The following MALAT1 variants were observed in gnomAD, a reference collection of about 807,000 sequenced individuals.
MALAT1 encodes hepcarcin.
In MALAT1 at chr11:65,500,601, A is replaced by C. The variant is rs773732397; in HGVS notation, n.1864A>C. ...AGGAGCGCTAACGATTTGGTGGTGAAGCTAGGAAAAAGGATTCCAGGAAGG... is the reference window on the plus strand; with the variant it reads ...AGGAGCGCTAACGATTTGGTGGTGACGCTAGGAAAAAGGATTCCAGGAAGG... On this transcript the variant is annotated non_coding_transcript_exon_variant, in exon 3 of 4. Transcript: ENST00000619449. 5 of 518,836 alleles carry C rather than the reference A, an allele frequency of 9.6e-6. No homozygotes were observed. The Admixed American group carries it at 9.7e-5, about 10-fold the overall frequency. 32.1% of individuals were successfully genotyped at this position (518,836 alleles called of 1,614,324 possible).
exon 3 of MALAT1, chr11:65,499,658 G>A (rs964013843): frequency 4.6e-6 from 2 of 436,042 alleles, no homozygotes; most frequent in Admixed American, 2.8e-5. Flanking sequence ...GAAGTTTGAA[G>A]TGGAAAACTG....
intron 3 of MALAT1, chr11:65,504,470 G>A (rs1565056094): frequency 1.9e-6 from 1 of 518,854 alleles, no homozygotes; most frequent in African/African-American, 1.9e-5. Context: ...CCAATGCTTG[G>A]AGTAGTGATT....
intron 3 of MALAT1, chr11:65,503,956 AAGTC>A (rs774516587): frequency 1.6e-5 from 8 of 515,208 alleles, no homozygotes; most frequent in Non-Finnish European, 2.7e-5. Flanking sequence ...TATTTCCAGA[AAGTC>A]AGGGGTCTAT....
At chr11:65,498,311 A>G (rs542805383) in intron 1 of MALAT1, 22 of 518,318 alleles carry the variant, frequency 4.2e-5, no homozygotes, top group South Asian at 3.1e-4. Flanking sequence ...GAAAAACGGT[A>G]GAAAAATTTC....
chr11:65,498,948 C>CT, intron 2 of MALAT1: 1 of 518,872 alleles, frequency 1.9e-6, no homozygotes, highest in Non-Finnish European at 3.8e-6. Context: ...CGAAGAACTA[C>CT]TTTTTGCCTC....
exon 3 of MALAT1, chr11:65,502,582 C>T (rs540400417): frequency 1.0e-5 from 5 of 482,370 alleles, no homozygotes; most frequent in East Asian, 1.1e-4. Flanking sequence ...TTGAATGTCT[C>T]TTAGAGGGTG....
At chr11:65,503,048 A>AT (rs774938572) in exon 3 of MALAT1, 22 of 508,442 alleles carry the variant, frequency 4.3e-5, no homozygotes, top group Non-Finnish European at 8.2e-5. Flanking sequence ...GCCGAAATAA[A>AT]TGAGAGATGA....
chr11:65,499,542 C>G (rs926589276), exon 3 of MALAT1: 3 of 458,608 alleles, frequency 6.5e-6, no homozygotes, highest in African/African-American at 4.0e-5. Context: ...ATCCATGACG[C>G]AGGGAGAATT....
exon 3 of MALAT1, chr11:65,499,637 TGG>T (rs1565675412): frequency 1.4e-5 from 6 of 442,838 alleles, no homozygotes; most frequent in South Asian, 9.9e-5. Context: ...TGAAACAATT[TGG>T]AGAAGATAGA....
At chr11:65,500,048 G>A (rs1854505608) in exon 3 of MALAT1, 1 of 440,068 alleles carries the variant, frequency 2.3e-6, no homozygotes. Flanking sequence ...ATTTCTGGTG[G>A]TGCAGAAGTT....
At chr11:65,500,884 G>T in exon 3 of MALAT1, 1 of 516,582 alleles carries the variant, frequency 1.9e-6, no homozygotes, top group Non-Finnish European at 3.9e-6. Context: ...TTTATATGGG[G>T]ACGTAGGCCG....
chr11:65,501,884 C>A (rs200853587), exon 3 of MALAT1: 14 of 516,968 alleles, frequency 2.7e-5, no homozygotes, highest in Middle Eastern at 3.2e-4. Flanking sequence ...TGGCCTGTTA[C>A]GGTTGGGATT....
chr11:65,498,389 C>A (rs760094633), intron 1 of MALAT1: 1 of 518,344 alleles, frequency 1.9e-6, no homozygotes, highest in Admixed American at 1.9e-5. Context: ...TGGCAGCCAA[C>A]GGCCCCCGGG....
intron 3 of MALAT1, chr11:65,505,206 C>T (rs1048274701): frequency 3.9e-6 from 2 of 518,388 alleles, no homozygotes; most frequent in African/African-American, 3.9e-5. Flanking sequence ...ACTAAAGGCA[C>T]CGAAGGCTTA....
exon 3 of MALAT1, chr11:65,500,475 G>A (rs1173743181): frequency 1.9e-6 from 1 of 518,966 alleles, no homozygotes; most frequent in Non-Finnish European, 3.8e-6. Context: ...GTTTGATGAA[G>A]CTAGGACTGA....
chr11:65,504,137 A>G, intron 3 of MALAT1: 1 of 516,992 alleles, frequency 1.9e-6, no homozygotes, highest in Non-Finnish European at 3.9e-6. Flanking sequence ...TTGCAGAGGC[A>G]TTTCATCCTT....
At chr11:65,500,282 G>C (rs967887175) in exon 3 of MALAT1, 3 of 518,702 alleles carry the variant, frequency 5.8e-6, no homozygotes, top group Non-Finnish European at 7.7e-6. Context: ...AAGGACTTTC[G>C]TAACGGAAGT....
At chr11:65,503,447 C>G (rs763730705) in exon 3 of MALAT1, 2 of 517,142 alleles carry the variant, frequency 3.9e-6, no homozygotes, top group African/African-American at 3.9e-5. Flanking sequence ...CTAAAGTGAT[C>G]AGTGCCTTGA....
chr11:65,505,423 GCT>G (rs1565057292), intron 3 of MALAT1: 1 of 513,966 alleles, frequency 1.9e-6, no homozygotes, highest in Non-Finnish European at 3.9e-6. Context: ...TTTTATAGCA[GCT>G]CTTAATAATA....
Sources: gnomAD v4.1 joint callset for allele counts on GRCh38, gnomAD v4.1.1 for gene constraint, MANE v1.5 for transcripts, NCBI Gene and HGNC (gene_info 2026-07-23, HGNC 2026-07-21) for gene names.